Variants in DTYMK observed in about 807,000 individuals in gnomAD.
The protein encoded by DTYMK is thymidylate kinase.
A neutral mutation model predicts 20.3 loss-of-function variants in DTYMK; 20 were observed. The ratio of observed to expected loss-of-function variants is 0.99; its 90% CI spans 0.69 to 1.43. The LOEUF is 1.43. Among genes scored for constraint, DTYMK ranks in the 40% most tolerant of loss-of-function variants. DTYMK has a pLI of 0.00. For synonymous variants in DTYMK, 148 were observed against 124.4 expected (o/e 1.19, Z -1.27); for missense variants, 320 against 291.1 (o/e 1.10, Z -0.72).
intron 2 of DTYMK, 39 bp from the exon 3 acceptor site, chr2:241,680,358 A>G (rs1272701046): frequency 4.4e-6 from 7 of 1,608,270 alleles, no homozygotes; most frequent in East Asian, 2.2e-5. Context: ...GTCCTGTTTC[A>G]TAGGCCTTGA....
Position 241,676,057 on chromosome 2 carries a change from G to A in DTYMK, c.*70C>T, listed in dbSNP as rs3209844. On this transcript the variant is annotated 3_prime_UTR_variant, in exon 5 of 5. Transcript: ENST00000305784. ...GTGGGGTCTGGACTCTGCTGGGGACGGGGCCTTCCGCGAGTCTCCCACCTC... is the reference window on the plus strand; with the variant it reads ...GTGGGGTCTGGACTCTGCTGGGGACAGGGCCTTCCGCGAGTCTCCCACCTC... 323,077 of 1,433,946 alleles carry A rather than the reference G, an allele frequency of 0.23. 37,864 individuals carry two copies. Among genetic ancestry groups the A allele is most frequent in the East Asian group, 0.27 (10,999 of 41,276 alleles). 88.8% of individuals were successfully genotyped at this position (1,433,946 alleles called of 1,614,324 possible).
At chr2:241,681,290 G>T (rs147081074) in intron 2 of DTYMK, among the ~76,000 whole-genome samples, 129 of 152,346 alleles carry the variant, frequency 8.5e-4, no homozygotes, top group African/African-American at 1.9e-3. Context: ...GGGATGCAAT[G>T]GTGCAAAGGC....
At chr2:241,685,914 A>G in intron 1 of DTYMK, 37 bp from the exon 2 acceptor site, 1 of 1,597,646 alleles carries the variant, frequency 6.3e-7, no homozygotes, top group Non-Finnish European at 8.6e-7. Flanking sequence ...TGCAAGTGAG[A>G]TCAGGCTTTC....
Position 241,680,269 on chromosome 2 carries a change from C to A in DTYMK, c.290G>T (p.Arg97Ile), listed in dbSNP as rs775905728. Residue 97 changes from arginine (R) to isoleucine (I), a missense_variant, in exon 3 of 5, where the codon AGA (arginine) becomes ATA (isoleucine). Transcript: ENST00000305784. The stretch of plus-strand genomic sequence containing the variant: ...GAAGGCCACACCAGAAAATGCGTAT[C>A]TGTCCACGACGAGGGTCACGCCCTG... ...LSQGVTLVVD[R>I]YAFSGVAFTG... The A allele has an allele frequency of 2.5e-6, 4 of 1,614,230 alleles. No homozygotes were observed.
chr2:241,684,224 C>T (rs1045663974), intron 2 of DTYMK, among the ~76,000 whole-genome samples: 4 of 152,164 alleles, frequency 2.6e-5, no homozygotes, highest in Non-Finnish European at 5.9e-5. Context: ...AAAGTAAAAT[C>T]AGGATTATTC....
Position 241,675,813 on chromosome 2 carries a change from A to C in DTYMK, c.*314T>G. ...AGAATTCCAACTGATTACCATTTAC[A>C]GTGATCACAATGAAACTGCTCAGAG... On this transcript the variant is annotated 3_prime_UTR_variant, in exon 5 of 5. Coordinates refer to ENST00000305784, the MANE Select transcript of DTYMK (RefSeq NM_012145.4). 4.6e-6 allele frequency: 1 copy of C among 216,874 alleles called. No individual in the cohort carries two copies. The highest frequency in any genetic ancestry group is 9.0e-6 in the Non-Finnish European group (1 of 110,678). 13.4% of individuals were successfully genotyped at this position (216,874 alleles called of 1,614,324 possible).
At position 241,680,275 on chromosome 2, in the gene DTYMK, A is replaced by G; in HGVS notation, c.284T>C (p.Val95Ala). The G allele has an allele frequency of 1.9e-6, 3 of 1,614,208 alleles. No individual in the cohort carries two copies. Among genetic ancestry groups the G allele is most frequent in the Non-Finnish European group, 2.5e-6 (3 of 1,180,034 alleles). The change falls in exon 3 of 5, where the codon GTG becomes GCG. Residue 95 changes from valine (V) to alanine (A), a missense_variant. By Grantham distance (64) the Val-to-Ala change is moderately conservative (BLOSUM62 0). Coordinates refer to ENST00000305784, the MANE Select transcript of DTYMK (RefSeq NM_012145.4). ...CACACCAGAAAATGCGTATCTGTCCACGACGAGGGTCACGCCCTGGCTCAA... is the reference window on the plus strand; with the variant it reads ...CACACCAGAAAATGCGTATCTGTCCGCGACGAGGGTCACGCCCTGGCTCAA... Reference protein sequence around the residue: ...EKLSQGVTLVVDRYAFSGVAF... With the variant: ...EKLSQGVTLVADRYAFSGVAF...
chr2:241,680,814 GCAAAAC>G (rs1370159259), intron 2 of DTYMK, among the ~76,000 whole-genome samples: 2 of 152,162 alleles, frequency 1.3e-5, no homozygotes, highest in Admixed American at 1.3e-4. Context: ...CACACCTCCA[GCAAAAC>G]CCAACATGGA....
intron 4 of DTYMK, among the ~76,000 whole-genome samples, chr2:241,677,613 CG>C (rs2069146601): frequency 6.6e-6 from 1 of 152,178 alleles, no homozygotes; most frequent in African/African-American, 2.4e-5. Flanking sequence ...GCGGTGGGCA[CG>C]GGCGACTGGA....
At chr2:241,677,129 G>A (rs1178681302) in intron 4 of DTYMK, among the ~76,000 whole-genome samples, 1 of 152,250 alleles carries the variant, frequency 6.6e-6, no homozygotes, top group African/African-American at 2.4e-5. Context: ...GCTGTCGGGT[G>A]GCACCGGACC....
At chr2:241,676,709 A>T (rs1199058669) in intron 4 of DTYMK, among the ~76,000 whole-genome samples, 1 of 152,162 alleles carries the variant, frequency 6.6e-6, no homozygotes, top group Admixed American at 6.5e-5. Context: ...CAGCCTCGTG[A>T]CCCCAACCCC....
At chr2:241,679,397 T>C (rs774167516) in intron 3 of DTYMK, among the ~76,000 whole-genome samples, 6 of 152,196 alleles carry the variant, frequency 3.9e-5, no homozygotes, top group Non-Finnish European at 7.3e-5. Flanking sequence ...ATCATGAGTC[T>C]TGTCCTCCTT....
rs1048346759 is a variant in DTYMK, at chr2:241,676,069, G to C, written c.*58C>G. 10 of 1,511,416 alleles carry C rather than the reference G, an allele frequency of 6.6e-6. No homozygotes were observed. Among genetic ancestry groups the C allele is most frequent in the African/African-American group, 1.4e-5 (1 of 72,120 alleles). 93.6% of individuals were successfully genotyped at this position (1,511,416 alleles called of 1,614,324 possible). A position where few individuals can be genotyped will look rare whatever the true frequency, so the allele number is the denominator to read the frequency against. The stretch of plus-strand genomic sequence containing the variant: ...CTCTGCTGGGGACGGGGCCTTCCGC[G>C]AGTCTCCCACCTCTCGGGGGACTGC... On this transcript the variant is annotated 3_prime_UTR_variant, in exon 5 of 5. Coordinates refer to ENST00000305784, the MANE Select transcript of DTYMK (RefSeq NM_012145.4).
Position 241,678,442 on chromosome 2 carries a change from G to C in DTYMK, c.528+10C>G. On this transcript the variant is annotated intron_variant, in intron 4 of 4. Coordinates refer to ENST00000305784, the MANE Select transcript of DTYMK (RefSeq NM_012145.4). ...CCACGCTTCCTAGTGTGCAATTCTG[G>C]GATTCTCACCTTCCAGTTCAAAGTC... The C allele has an allele frequency of 6.2e-7, 1 of 1,614,070 alleles. No homozygotes were observed. The highest frequency in any genetic ancestry group is 8.5e-7 in the Non-Finnish European group (1 of 1,180,008).
At position 241,684,162 on chromosome 2, in the gene DTYMK, G is replaced by A. The variant is rs140372723; in HGVS notation, c.239+1607C>T. On this transcript the variant is annotated intron_variant, in intron 2 of 4. Transcript: ENST00000305784. ...GAAACAAGTAACCTGTAGGAGAATA[G>A]ATGGACACAAGAGACGTAGCCCTGG... 3.4e-3 allele frequency among the ~76,000 whole-genome samples: 525 copies of A among 152,248 alleles called. 4 individuals are homozygous for A. Among genetic ancestry groups the A allele is most frequent in the African/African-American group, 0.012 (493 of 41,546 alleles).
At chr2:241,685,746 G>A (rs1299764903) in intron 2 of DTYMK, 23 bp downstream of exon 2, 2 of 1,606,850 alleles carry the variant, frequency 1.2e-6, no homozygotes, top group Non-Finnish European at 1.7e-6. Context: ...AGGGCAGAGG[G>A]AGCAGTGTGC....
chr2:241,675,956 T>C lies in DTYMK; in HGVS notation c.*171A>G. Reference sequence around the variant, plus strand: ...ACTGCCAAGGTCCCCACCACGGGGGTCCCCAGTGCACCCCAGCTCCGGGGC... The same window carrying C: ...ACTGCCAAGGTCCCCACCACGGGGGCCCCCAGTGCACCCCAGCTCCGGGGC... On this transcript the variant is annotated 3_prime_UTR_variant, in exon 5 of 5. Coordinates refer to ENST00000305784, the MANE Select transcript of DTYMK (RefSeq NM_012145.4). 1 of 609,376 alleles carries C rather than the reference T, an allele frequency of 1.6e-6. No homozygotes were observed. Among genetic ancestry groups the C allele is most frequent in the Non-Finnish European group, 2.7e-6 (1 of 365,356 alleles). The allele number at this position is 609,376 out of a possible 1,614,324, so 37.7% of individuals were successfully genotyped here.
chr2:241,679,578 T>C (rs2069193670), intron 3 of DTYMK, among the ~76,000 whole-genome samples: 1 of 152,062 alleles, frequency 6.6e-6, no homozygotes. Context: ...TATAGCGAGC[T>C]TTGCTTGTTC....
chr2:241,677,109 C>G (rs1254194934), intron 4 of DTYMK, among the ~76,000 whole-genome samples: 1 of 152,252 alleles, frequency 6.6e-6, no homozygotes, highest in African/African-American at 2.4e-5. Flanking sequence ...TCAGCGGCAT[C>G]CCGGCTTCTG....
Sources: allele counts gnomAD v4.1 joint callset (sites outside exome capture counted in the v4.1 genomes callset), GRCh38; gene constraint gnomAD v4.1.1; transcripts MANE v1.5; gene names NCBI Gene and HGNC (gene_info 2026-07-23, HGNC 2026-07-21).